BBS4: variants seen among roughly 807,000 people sequenced by gnomAD.
BBS4 encodes the protein Bardet-Biedl syndrome 4.
BBS4 carries 58 observed loss-of-function variants against 71.4 expected under a neutral mutation model. The ratio of observed to expected loss-of-function variants is 0.81; its 90% CI spans 0.66 to 1.01. The LOEUF is 1.01. Among genes scored for constraint, BBS4 ranks in the 50% least tolerant of loss-of-function variants. The pLI is 0.00. For synonymous variants in BBS4, 228 were observed against 216.8 expected, an observed-to-expected ratio of 1.05 and a Z score of -0.46; for missense variants, 660 against 607.9, an observed-to-expected ratio of 1.09 and a Z score of -0.90.
At chr15:72,701,436 A>G (rs900456978) in intron 2 of BBS4, among the ~76,000 whole-genome samples, 1 of 152,182 alleles carries the variant, frequency 6.6e-6, no homozygotes, top group Non-Finnish European at 1.5e-5. Context: ...AGTCTTGTAC[A>G]TGTTTTTTGG....
At chr15:72,729,534 G>A in intron 9 of BBS4, 82 bp from the exon 10 acceptor site, 1 of 1,316,932 alleles carries the variant, frequency 7.6e-7, no homozygotes, top group Non-Finnish European at 1.1e-6. Context: ...ATAGGCATTA[G>A]CCACCACGCC....
At chr15:72,716,151 A>T (rs776566729) in intron 5 of BBS4, among the ~76,000 whole-genome samples, 4 of 152,208 alleles carry the variant, frequency 2.6e-5, no homozygotes, top group Non-Finnish European at 4.4e-5. Context: ...GTTTACTGGG[A>T]TGTAACCCCA....
intron 7 of BBS4, among the ~76,000 whole-genome samples, chr15:72,724,144 C>A (rs1413055396): frequency 6.6e-6 from 1 of 152,086 alleles, no homozygotes; most frequent in Non-Finnish European, 1.5e-5. Flanking sequence ...GAAACCTGGC[C>A]CACCATAGGG....
At chr15:72,696,466 TTTAA>T (rs1282261369) in intron 2 of BBS4, among the ~76,000 whole-genome samples, 1 of 152,100 alleles carries the variant, frequency 6.6e-6, no homozygotes, top group Non-Finnish European at 1.5e-5. Context: ...GTTATAAAAG[TTTAA>T]TTACTCCCCC....
At position 72,737,466 on chromosome 15, in the gene BBS4, T is replaced by C; in HGVS notation, c.1451-12T>C. Reference sequence around the variant, plus strand: ...TGGAACATGAGGATTCAAGTTTTTATTTTGTTACTAGGTGCTGGAGGAACA... The same window carrying C: ...TGGAACATGAGGATTCAAGTTTTTACTTTGTTACTAGGTGCTGGAGGAACA... On this transcript the variant is annotated splice_polypyrimidine_tract_variant and intron_variant, in intron 15 of 15. Coordinates refer to ENST00000268057, the MANE Select transcript of BBS4 (RefSeq NM_033028.5). 6.2e-7 allele frequency: 1 copy of C among 1,603,340 alleles called. No individual in the cohort carries two copies. The highest frequency in any genetic ancestry group is 8.5e-7 in the Non-Finnish European group (1 of 1,173,162).
At chr15:72,729,161 C>CTTT (rs71137313) in intron 9 of BBS4, among the ~76,000 whole-genome samples, 3,067 of 69,940 alleles carry the variant, frequency 0.044, 203 homozygotes, top group East Asian at 0.071. Context: ...ACTGTAGCTG[C>CTTT]TTTTTTTTTT....
intron 7 of BBS4, among the ~76,000 whole-genome samples, chr15:72,723,561 T>G (rs986086102): frequency 1.3e-4 from 20 of 152,218 alleles, no homozygotes; most frequent in African/African-American, 4.6e-4. Context: ...GGACTGAGAA[T>G]CTGAATTGGT....
At chr15:72,686,285 G>T in intron 1 of BBS4, 34 bp downstream of exon 1, 1 of 1,557,260 alleles carries the variant, frequency 6.4e-7, no homozygotes, top group Non-Finnish European at 8.7e-7. Flanking sequence ...TTGCCCGGCC[G>T]CAGGGCAAGG....
chr15:72,702,076 G>C (rs1015949358), intron 2 of BBS4, among the ~76,000 whole-genome samples: 23 of 150,808 alleles, frequency 1.5e-4, no homozygotes, highest in Non-Finnish European at 2.9e-5. Flanking sequence ...TCAATCTCTT[G>C]ACCTCGTGAT....
At chr15:72,727,411 T>G (rs2065723583) in intron 8 of BBS4, among the ~76,000 whole-genome samples, 1 of 152,198 alleles carries the variant, frequency 6.6e-6, no homozygotes, top group Non-Finnish European at 1.5e-5. Context: ...CCTTCTTTCC[T>G]AGGATTGGTA....
In BBS4 at chr15:72,736,945, T is replaced by C; in HGVS notation, c.1432T>C (p.Tyr478His). 1 of 1,614,198 alleles carries C rather than the reference T, an allele frequency of 6.2e-7. No homozygotes were observed. The highest frequency in any genetic ancestry group is 8.5e-7 in the Non-Finnish European group (1 of 1,180,038). The change falls in exon 15 of 16, where the codon TAC becomes CAC. Residue 478 changes from tyrosine (Y) to histidine (H), a missense_variant. By Grantham distance (83) the Tyr-to-His change is moderately conservative (BLOSUM62 2). Coordinates refer to ENST00000268057, the MANE Select transcript of BBS4 (RefSeq NM_033028.5). Reference protein sequence around the residue: ...LGQAMSSAAAYRTLPSGAGGT... With the variant: ...LGQAMSSAAAHRTLPSGAGGT... ...ACAGGCAATGTCTTCAGCAGCTGCATACAGGACGCTCCCCTCAGGTAGGAC... is the reference window on the plus strand; with the variant it reads ...ACAGGCAATGTCTTCAGCAGCTGCACACAGGACGCTCCCCTCAGGTAGGAC...
chr15:72,733,841 A>G (rs187940095), intron 12 of BBS4, among the ~76,000 whole-genome samples: 15 of 152,256 alleles, frequency 9.9e-5, no homozygotes, highest in Non-Finnish European at 1.8e-4. Flanking sequence ...TCTTTGGGGA[A>G]TTGCCAGATT....
intron 8 of BBS4, among the ~76,000 whole-genome samples, chr15:72,725,717 T>C (rs1276451287): frequency 9.4e-6 from 1 of 106,684 alleles, no homozygotes; most frequent in African/African-American, 4.0e-5. Context: ...TTCCCCGTTT[T>C]CCCTTCCCCC....
rs556608292 is a variant in BBS4, at chr15:72,720,701, T to C, written c.406-2093T>C. Among the ~76,000 whole-genome samples the C allele has an allele frequency of 6.6e-4, 100 of 152,246 alleles. 1 individual carries two copies. The highest frequency in any genetic ancestry group is 1.3e-3 in the Non-Finnish European group (89 of 68,018). On this transcript the variant is annotated intron_variant, in intron 6 of 15. Transcript: ENST00000268057. Reference sequence around the variant, plus strand: ...ATGGAAGTTGCTACAGTGAGGTAGTTGCTGAGCCAGAACTGGAATTCAGAC... The same window carrying C: ...ATGGAAGTTGCTACAGTGAGGTAGTCGCTGAGCCAGAACTGGAATTCAGAC...
At chr15:72,711,198 A>T (rs1380045680) in intron 3 of BBS4, among the ~76,000 whole-genome samples, 1 of 150,746 alleles carries the variant, frequency 6.6e-6, no homozygotes, top group Non-Finnish European at 1.5e-5. Context: ...CCAAGGGTGG[A>T]GTGCAATGGC....
At position 72,735,180 on chromosome 15, in the gene BBS4, TA is replaced by T; in HGVS notation, c.1106del (p.Lys369SerfsTer5). 6.2e-7 allele frequency: 1 copy of T among 1,613,030 alleles called. No individual in the cohort carries two copies. Among genetic ancestry groups the T allele is most frequent in the Non-Finnish European group, 8.5e-7 (1 of 1,179,124 alleles). ...RAYAEAVHLDKCNPLVNLNYA... is the reference protein window; with the variant it reads ...RAYAEAVHLDXCNPLVNLNYA... ...CCTACGCAGAAGCAGTCCACCTGGA[TA>T]AGTATGCACTTTGTTGAGAATGGTA... On this transcript the variant is annotated frameshift_variant and splice_region_variant, in exon 13 of 16. Transcript: ENST00000268057. LOFTEE classifies it high-confidence loss of function.
At chr15:72,696,441 T>C (rs2065078378) in intron 2 of BBS4, among the ~76,000 whole-genome samples, 1 of 152,182 alleles carries the variant, frequency 6.6e-6, no homozygotes, top group Non-Finnish European at 1.5e-5. Flanking sequence ...TAACCACTAG[T>C]AGCACCATAA....
chr15:72,725,055 T>TATAC (rs2065645208), intron 8 of BBS4, among the ~76,000 whole-genome samples: 1 of 111,596 alleles, frequency 9.0e-6, no homozygotes, highest in Non-Finnish European at 2.0e-5. Flanking sequence ...TATATATATA[T>TATAC]ATAGAGAGAG....
At chr15:72,703,400 CTGA>C (rs2065211204) in intron 2 of BBS4, among the ~76,000 whole-genome samples, 1 of 152,134 alleles carries the variant, frequency 6.6e-6, no homozygotes. Flanking sequence ...TAGGCTTTGA[CTGA>C]TACAGGGCTC....
Sources: gnomAD v4.1 joint callset for allele counts (sites outside exome capture counted in the v4.1 genomes callset) on GRCh38, gnomAD v4.1.1 for gene constraint, MANE v1.5 for transcripts, NCBI Gene and HGNC (gene_info 2026-07-23, HGNC 2026-07-21) for gene names.